Variants in MREG observed in about 807,000 individuals in gnomAD.
The protein encoded by MREG is dilute suppressor protein homolog.
MREG carries 31 observed loss-of-function variants against 28.5 expected under a neutral mutation model. That is an observed-to-expected ratio of 1.09 (90% CI 0.82 to 1.47). The LOEUF (loss-of-function observed/expected upper bound fraction) is 1.47, where lower values mean the gene tolerates loss of function less well. MREG is among the 40% of genes most tolerant of loss of function. MREG has a pLI of 0.00. For missense variants in MREG, 256 were observed against 257.4 expected, an observed-to-expected ratio of 0.99 and a Z score of 0.04; for synonymous variants, 106 against 95.2, an observed-to-expected ratio of 1.11 and a Z score of -0.66.
chr2:216,004,227 G>A (rs577115290), intron 1 of MREG, among the ~76,000 whole-genome samples: 2 of 152,202 alleles, frequency 1.3e-5, no homozygotes, highest in South Asian at 4.1e-4. Flanking sequence ...TCCTCAACAA[G>A]GCCTGCCCTG....
intron 2 of MREG, among the ~76,000 whole-genome samples, chr2:215,957,439 A>T (rs1692653984): frequency 2.0e-5 from 3 of 148,614 alleles, no homozygotes; most frequent in Admixed American, 1.3e-4. Context: ...CCTCCCCCAC[A>T]CTCTCCTCTC....
At position 215,962,903 on chromosome 2, in the gene MREG, A is replaced by G. The variant is rs1461405883; in HGVS notation, c.256-15790T>C. 3.3e-5 allele frequency among the ~76,000 whole-genome samples: 5 copies of G among 152,210 alleles called. 1 individual carries two copies. Among genetic ancestry groups the G allele is most frequent in the Non-Finnish European group, 7.3e-5 (5 of 68,030 alleles). ...GTAATCCCAGCAATTTGGGAGGCCA[A>G]AGCAGATGGATTGCTTGAGCCCAGG... On this transcript the variant is annotated intron_variant, in intron 2 of 4. Transcript: ENST00000263268.
intron 1 of MREG, 104 bp from the exon 2 acceptor site, chr2:215,996,569 A>T: frequency 1.3e-6 from 1 of 746,312 alleles, no homozygotes. Context: ...ATACTATGTA[A>T]TATATAAATA....
intron 2 of MREG, among the ~76,000 whole-genome samples, chr2:215,986,250 A>T (rs7421380): frequency 1.2e-4 from 19 of 152,344 alleles, no homozygotes; most frequent in Non-Finnish European, 2.5e-4. Context: ...GACATTTTAT[A>T]TGAAAATCTG....
intron 2 of MREG, among the ~76,000 whole-genome samples, chr2:215,959,091 C>A (rs1692712678): frequency 6.6e-6 from 1 of 151,304 alleles, no homozygotes; most frequent in Admixed American, 6.6e-5. Context: ...GCTGGTTCCT[C>A]TTCCTTCATC....
chr2:216,026,856 G>A (rs1694604310), intron 1 of MREG, among the ~76,000 whole-genome samples: 1 of 152,128 alleles, frequency 6.6e-6, no homozygotes, highest in Non-Finnish European at 1.5e-5. Context: ...TGTCTTCAGA[G>A]TAAACTTACA....
intron 2 of MREG, among the ~76,000 whole-genome samples, chr2:215,947,515 C>A (rs894988096): frequency 6.6e-6 from 1 of 152,126 alleles, no homozygotes; most frequent in Non-Finnish European, 1.5e-5. Flanking sequence ...ATTATTAAAG[C>A]CATTTTATAG....
chr2:215,952,271 T>G (rs956083464), intron 2 of MREG, among the ~76,000 whole-genome samples: 2 of 152,190 alleles, frequency 1.3e-5, no homozygotes, highest in Admixed American at 1.3e-4. Context: ...ATATGGTGAC[T>G]ATAGTTAATA....
chr2:216,026,517 T>C (rs1694596686), intron 1 of MREG, among the ~76,000 whole-genome samples: 1 of 152,092 alleles, frequency 6.6e-6, no homozygotes. Flanking sequence ...TGCGCCACCA[T>C]GCCCAGCTAA....
intron 2 of MREG, among the ~76,000 whole-genome samples, chr2:215,948,140 T>C (rs1233705865): frequency 6.6e-6 from 1 of 152,236 alleles, no homozygotes; most frequent in African/African-American, 2.4e-5. Flanking sequence ...ATTATTTCTC[T>C]ACTAAGTTCT....
chr2:215,974,186 C>G (rs985356187), intron 2 of MREG, among the ~76,000 whole-genome samples: 3 of 152,156 alleles, frequency 2.0e-5, no homozygotes, highest in Non-Finnish European at 4.4e-5. Context: ...TGACACATCT[C>G]ACTCCTGGGC....
At chr2:216,015,265 C>G (rs1047982440), upstream of MREG, among the ~76,000 whole-genome samples, 1 of 152,032 alleles carries the variant, frequency 6.6e-6, no homozygotes, top group Non-Finnish European at 1.5e-5. Flanking sequence ...GGGAAGGCCT[C>G]GCTGAGACTG....
At chr2:216,010,307 T>A (rs1264421370) in intron 1 of MREG, among the ~76,000 whole-genome samples, 3 of 151,884 alleles carry the variant, frequency 2.0e-5, no homozygotes, top group Non-Finnish European at 4.4e-5. Context: ...TGCGGAAACC[T>A]TGATTTCAGA....
chr2:215,948,393 C>A (rs1692377492), intron 2 of MREG, among the ~76,000 whole-genome samples: 1 of 152,218 alleles, frequency 6.6e-6, no homozygotes, highest in African/African-American at 2.4e-5. Context: ...TCTCCTGGTC[C>A]TCTTTTATTT....
intron 2 of MREG, among the ~76,000 whole-genome samples, chr2:215,950,117 G>A (rs994732648): frequency 3.3e-5 from 5 of 152,158 alleles, no homozygotes; most frequent in East Asian, 1.9e-4. Flanking sequence ...GAGTTGCCTC[G>A]TATGTTCACA....
intron 2 of MREG, among the ~76,000 whole-genome samples, chr2:215,975,416 C>T (rs1693228896): frequency 6.6e-6 from 1 of 152,124 alleles, no homozygotes; most frequent in South Asian, 2.1e-4. Context: ...GCTAGATTGA[C>T]AGCAAAACTG....
At chr2:216,024,931 CGGAAAGGAAG>C (rs200846129) in intron 1 of MREG, among the ~76,000 whole-genome samples, 17,664 of 75,140 alleles carry the variant, frequency 0.24, 1,406 homozygotes, top group African/African-American at 0.33. Context: ...AAAAAAGGAA[CGGAAAGGAAG>C]GGAAAGGAAG....
chr2:216,003,704 G>T (rs1346527128), intron 1 of MREG, among the ~76,000 whole-genome samples: 1 of 152,084 alleles, frequency 6.6e-6, no homozygotes, highest in Non-Finnish European at 1.5e-5. Context: ...CCACTCAGAT[G>T]ATGGCAACTC....
chr2:216,033,228 C>G (rs2105937057), upstream of MREG, among the ~76,000 whole-genome samples: 1 of 152,250 alleles, frequency 6.6e-6, no homozygotes, highest in African/African-American at 2.4e-5. Context: ...AACCCCCCTT[C>G]CTCCATTTTT....
Sources: gnomAD v4.1 joint callset for allele counts (sites outside exome capture counted in the v4.1 genomes callset) on GRCh38, gnomAD v4.1.1 for gene constraint, MANE v1.5 for transcripts, NCBI Gene and HGNC (gene_info 2026-07-23, HGNC 2026-07-21) for gene names.